Variants in ELMOD3 observed in about 807,000 individuals in gnomAD.
The protein encoded by ELMOD3 is ELMO domain-containing protein 3.
ELMOD3 carries 36 observed loss-of-function variants against 47.4 expected under a neutral mutation model. The ratio of observed to expected loss-of-function variants is 0.76; its 90% CI spans 0.58 to 1.00. The LOEUF is 1.00. Ranked by LOEUF, ELMOD3 falls within the 50% of genes least tolerant of loss-of-function variation. The pLI, the probability that ELMOD3 is intolerant of heterozygous loss-of-function variation, is 0.00. For missense variants in ELMOD3, 404 were observed against 463.8 expected, an observed-to-expected ratio of 0.87 and a Z score of 1.18; for synonymous variants, 149 against 183.5, an observed-to-expected ratio of 0.81 and a Z score of 1.52.
chr2:85,371,942 A>G lies in ELMOD3; in HGVS notation c.607+380A>G, dbSNP rs149571749. 1.3e-3 allele frequency: 273 copies of G among 205,790 alleles called. 1 individual carries two copies. The highest frequency in any genetic ancestry group is 2.4e-3 in the Non-Finnish European group (238 of 100,528). The allele number at this position is 205,790 out of a possible 1,614,324, so 12.7% of individuals were successfully genotyped here. A position where few individuals can be genotyped will look rare whatever the true frequency, so the allele number is the denominator to read the frequency against. The stretch of plus-strand genomic sequence containing the variant: ...TCCCAGCACTTTGGGAGGCTGAGGT[A>G]GGTGGATCACGAGGTCAAGAGTTCG... On this transcript the variant is annotated intron_variant, in intron 10 of 13. Transcript: ENST00000409013.
chr2:85,368,307 A>G, intron 6 of ELMOD3: 1 of 207,038 alleles, frequency 4.8e-6, no homozygotes, highest in Non-Finnish European at 1.0e-5. Flanking sequence ...GCGTGCCTGT[A>G]GTTCCAGGTA....
Position 85,369,797 on chromosome 2 carries a change from G to A in ELMOD3, c.327G>A (p.Gln109=). The change falls in exon 8 of 14, where the codon CAG becomes CAA. Residue 109 remains glutamine (Q), a synonymous_variant. Transcript: ENST00000409013. ...GQLISFSEAL[Q]HFQTVDLSPF... is the part of the protein sequence containing the mutation. ...TAATCTCCTTCAGTGAGGCCCTGCAGCACTTCCAGACTGTGGACCTTTCCC... is the reference window on the plus strand; with the variant it reads ...TAATCTCCTTCAGTGAGGCCCTGCAACACTTCCAGACTGTGGACCTTTCCC... 6.2e-7 allele frequency: 1 copy of A among 1,614,160 alleles called. No individual in the cohort carries two copies. Among genetic ancestry groups the A allele is most frequent in the Admixed American group, 1.7e-5 (1 of 60,026 alleles).
intron 11 of ELMOD3, among the ~76,000 whole-genome samples, chr2:85,380,649 C>T (rs955089181): frequency 7.9e-5 from 12 of 152,156 alleles, no homozygotes; most frequent in South Asian, 4.1e-4. Context: ...CCTCAGCCTC[C>T]GAGTAGCTGG....
rs1408649535 is a variant in ELMOD3 at position 85,355,787 on chromosome 2, C to T, written c.-233+189C>T. On this transcript the variant is annotated intron_variant, in intron 3 of 13. Coordinates refer to ENST00000409013, the MANE Select transcript of ELMOD3 (RefSeq NM_001135022.2). Reference sequence around the variant, plus strand: ...GGAAAGGGGAGGCAGATGTTGAGGCCCCAGAGGCCACAGTGAGAGCAGTTT... The same window carrying T: ...GGAAAGGGGAGGCAGATGTTGAGGCTCCAGAGGCCACAGTGAGAGCAGTTT... 3 of 152,312 alleles carry T rather than the reference C, an allele frequency of 2.0e-5. No homozygotes were observed. The East Asian group carries it at 5.8e-4, about 29-fold the overall frequency. 9.4% of individuals were successfully genotyped at this position (152,312 alleles called of 1,614,324 possible).
At chr2:85,375,064 C>CA (rs1457652941) in intron 10 of ELMOD3, among the ~76,000 whole-genome samples, 2 of 151,238 alleles carry the variant, frequency 1.3e-5, no homozygotes, top group Non-Finnish European at 2.9e-5. Context: ...GCCTGGGCGA[C>CA]AGAGCGAGAT....
At chr2:85,388,757 G>A (rs1686111009) in intron 11 of ELMOD3, among the ~76,000 whole-genome samples, 2 of 152,194 alleles carry the variant, frequency 1.3e-5, no homozygotes. Flanking sequence ...CTAAGGAGCT[G>A]AATTTATATT....
In ELMOD3 at chr2:85,391,129, G is replaced by A. The variant is rs376976016; in HGVS notation, c.*167G>A. ...GAAGCCAAGTACCCTCACCGGCATGGGACATGAGGGGCAGCTAGACTTCAC... is the reference window on the plus strand; with the variant it reads ...GAAGCCAAGTACCCTCACCGGCATGAGACATGAGGGGCAGCTAGACTTCAC... On this transcript the variant is annotated 3_prime_UTR_variant, in exon 14 of 14. Transcript: ENST00000409013. The A allele has an allele frequency of 1.9e-4, 121 of 646,156 alleles. 2 individuals carry two copies. The Middle Eastern group carries it at 2.9e-3, about 16-fold the overall frequency. 40.0% of individuals were successfully genotyped at this position (646,156 alleles called of 1,614,324 possible).
At chr2:85,386,135 G>A (rs1163466175) in intron 11 of ELMOD3, among the ~76,000 whole-genome samples, 1 of 152,194 alleles carries the variant, frequency 6.6e-6, no homozygotes, top group Admixed American at 6.5e-5. Flanking sequence ...AGCAGCCGCA[G>A]AAGATACTCT....
intron 11 of ELMOD3, among the ~76,000 whole-genome samples, chr2:85,381,403 G>A (rs1314190051): frequency 3.9e-5 from 6 of 152,160 alleles, no homozygotes; most frequent in Non-Finnish European, 7.3e-5. Context: ...CAATCAATAA[G>A]CCCTAATAAA....
Position 85,390,481 on chromosome 2 carries a change from G to A in ELMOD3, c.943+216G>A, listed in dbSNP as rs763868195. 6 of 1,613,076 alleles carry A rather than the reference G, an allele frequency of 3.7e-6. No individual in the cohort carries two copies. The highest frequency in any genetic ancestry group is 5.1e-6 in the Non-Finnish European group (6 of 1,179,576). On this transcript the variant is annotated intron_variant, in intron 13 of 13. Transcript: ENST00000409013. ...CGCCCTTTTCTGGTCTTATACTTAT[G>A]ACAAGCATATATTCTGATCAAAAAT...
At chr2:85,365,642 T>G (rs1684332464) in intron 6 of ELMOD3, among the ~76,000 whole-genome samples, 1 of 152,210 alleles carries the variant, frequency 6.6e-6, no homozygotes, top group Non-Finnish European at 1.5e-5. Context: ...CTTACGTGGT[T>G]TGGGCATTTG....
intron 6 of ELMOD3, among the ~76,000 whole-genome samples, chr2:85,367,295 G>A (rs1480296464): frequency 1.3e-5 from 2 of 152,330 alleles, no homozygotes; most frequent in Non-Finnish European, 1.5e-5. Context: ...GCATCCAGGC[G>A]AGGATGGTGT....
At chr2:85,368,887 A>G in intron 7 of ELMOD3, 133 bp downstream of exon 7, 4 of 876,434 alleles carry the variant, frequency 4.6e-6, no homozygotes, top group Admixed American at 2.1e-5. Flanking sequence ...TTAACTATAT[A>G]ACATAGATTA....
chr2:85,371,089 A>G lies in ELMOD3; in HGVS notation c.364A>G (p.Arg122Gly). 6.2e-7 allele frequency: 1 copy of G among 1,613,720 alleles called. No individual in the cohort carries two copies. The change falls in exon 9 of 14, where the codon AGA becomes GGA. Residue 122 changes from arginine (R) to glycine (G), a missense_variant. Physicochemically the swap from Arg to Gly is moderately radical, Grantham distance 125. Coordinates refer to ENST00000409013, the MANE Select transcript of ELMOD3 (RefSeq NM_001135022.2). ...TTGCCTGCAACTTCTTCCCCAGAAA[A>G]GAATCCAGCCAACTATTCGAAGGAC... ...QTVDLSPFKKRIQPTIRRTGL... is the reference protein window; with the variant it reads ...QTVDLSPFKKGIQPTIRRTGL...
At chr2:85,362,000 G>T (rs560074571) in intron 4 of ELMOD3, among the ~76,000 whole-genome samples, 186 bp from the exon 5 acceptor site, 67 of 151,788 alleles carry the variant, frequency 4.4e-4, no homozygotes, top group Non-Finnish European at 8.1e-4. Flanking sequence ...GTGGGTACTA[G>T]GTCAAATACC....
intron 10 of ELMOD3, 118 bp from the exon 11 acceptor site, chr2:85,377,226 G>A (rs1158639861): frequency 8.9e-6 from 8 of 901,888 alleles, no homozygotes; most frequent in Admixed American, 3.3e-5. Flanking sequence ...GAAAGTGGAC[G>A]TGTGCTGCTC....
At position 85,358,623 on chromosome 2, in the gene ELMOD3, C is replaced by T. The variant is rs184215646; in HGVS notation, c.54+1371C>T. Among the ~76,000 whole-genome samples, 5 of 152,186 alleles carry T rather than the reference C, an allele frequency of 3.3e-5. No homozygotes were observed. In the East Asian group the frequency reaches 9.6e-4, roughly 29 times the overall value. ...TTGGTCAGCTGTGAGGTGTTTTGGC[C>T]TCCATCCTTGCATCTGGAACATGAA... On this transcript the variant is annotated intron_variant, in intron 4 of 13. Transcript: ENST00000409013.
At chr2:85,389,210 T>C (rs895649345) in intron 11 of ELMOD3, among the ~76,000 whole-genome samples, 2 of 152,208 alleles carry the variant, frequency 1.3e-5, no homozygotes, top group African/African-American at 2.4e-5. Context: ...CTCTGTGTTA[T>C]CGTGAGATGG....
In ELMOD3 at chr2:85,377,394, C is replaced by T; in HGVS notation, c.658C>T (p.His220Tyr). The T allele has an allele frequency of 1.9e-6, 3 of 1,610,908 alleles. No homozygotes were observed. The highest frequency in any genetic ancestry group is 1.7e-5 in the Admixed American group (1 of 59,636). Reference sequence around the variant, plus strand: ...AGGCGCAGGCTTCCTTGCCCTCCTGCATCTGCTCTACCTGGTGATGGACTC... The same window carrying T: ...AGGCGCAGGCTTCCTTGCCCTCCTGTATCTGCTCTACCTGGTGATGGACTC... ...LRGAGFLALL[H>Y]LLYLVMDSKT... The change falls in exon 11 of 14, where the codon CAT becomes TAT. Residue 220 changes from histidine (H) to tyrosine (Y), a missense_variant. Coordinates refer to ENST00000409013, the MANE Select transcript of ELMOD3 (RefSeq NM_001135022.2).
Sources: allele counts gnomAD v4.1 joint callset (sites outside exome capture counted in the v4.1 genomes callset), GRCh38; gene constraint gnomAD v4.1.1; transcripts MANE v1.5; gene names NCBI Gene and HGNC (gene_info 2026-07-23, HGNC 2026-07-21).